Variants in HOXC4 observed in about 807,000 individuals in gnomAD.
The protein encoded by HOXC4 is homeobox C4, also known as homeobox protein Hox-C4.
Under a neutral mutation model 25.5 loss-of-function variants are expected in HOXC4, and 15 were observed. That is an observed-to-expected ratio of 0.59 (90% CI 0.39 to 0.91). HOXC4 has a LOEUF of 0.91. Ranked by LOEUF, HOXC4 falls within the 40% of genes least tolerant of loss-of-function variation. The probability of loss-of-function intolerance (pLI) is 0.00; values close to 1 mark genes in which losing one functional copy is unlikely to be tolerated. For missense variants in HOXC4, 342 were observed against 352.4 expected (o/e 0.97, Z 0.24); for synonymous variants, 165 against 148.0 (o/e 1.11, Z -0.83).
At chr12:54,045,842 G>C (rs530538159) in intron 1 of HOXC4, among the ~76,000 whole-genome samples, 1 of 152,300 alleles carries the variant, frequency 6.6e-6, no homozygotes, top group African/African-American at 2.4e-5. Flanking sequence ...GTCCCACTAA[G>C]TTATCTGTCC....
In HOXC4 at chr12:54,054,375, C is replaced by A. The variant is rs377348421; in HGVS notation, c.439+14C>A. ...ACGTTAGCACGGGTAGGCAACTTTG[C>A]TTTTTGCTCCCCCCCTCCCTCCCTT... On this transcript the variant is annotated intron_variant, in intron 1 of 1. Coordinates refer to ENST00000430889, the MANE Select transcript of HOXC4 (RefSeq NM_153633.3). 9.3e-6 allele frequency: 14 copies of A among 1,512,680 alleles called. No individual in the cohort carries two copies. In the African/African-American group the frequency reaches 1.4e-4, roughly 15 times the overall value. The allele number at this position is 1,512,680 out of a possible 1,614,324, so 93.7% of individuals were successfully genotyped here. A position where few individuals can be genotyped will look rare whatever the true frequency, so the allele number is the denominator to read the frequency against.
chr12:54,026,534 T>C (rs921741543), intron 1 of HOXC4, among the ~76,000 whole-genome samples: 4 of 152,218 alleles, frequency 2.6e-5, no homozygotes, highest in African/African-American at 9.6e-5. Flanking sequence ...GAAAGTGTGA[T>C]CTAGAAGGAG....
At chr12:54,034,150 G>T in intron 1 of HOXC4, 2 of 910,704 alleles carry the variant, frequency 2.2e-6, no homozygotes, top group Non-Finnish European at 3.6e-6. Context: ...TGCGGCCCGC[G>T]TGGCCTGTCT....
chr12:54,019,207 C>T (rs887532945), intron 1 of HOXC4, among the ~76,000 whole-genome samples: 2 of 111,508 alleles, frequency 1.8e-5, no homozygotes, highest in Admixed American at 1.4e-4. Context: ...ACTTGTGTGT[C>T]GGCAGAGGCG....
intron 1 of HOXC4, among the ~76,000 whole-genome samples, chr12:54,038,501 G>A (rs113505726): frequency 0.029 from 4,430 of 152,240 alleles, 97 homozygotes; most frequent in Non-Finnish European, 0.042. Flanking sequence ...TGGCTTCTAC[G>A]CCCACAGGCT....
At chr12:54,042,843 C>T (rs1372941473) in intron 1 of HOXC4, among the ~76,000 whole-genome samples, 1 of 152,214 alleles carries the variant, frequency 6.6e-6, no homozygotes, top group African/African-American at 2.4e-5. Flanking sequence ...TTGTGACCCA[C>T]ATTGGTGTGT....
upstream of HOXC4, among the ~76,000 whole-genome samples, chr12:54,051,108 G>A (rs1430837252): frequency 6.6e-6 from 1 of 152,108 alleles, no homozygotes; most frequent in Admixed American, 6.5e-5. Flanking sequence ...GAAGAAAAGA[G>A]GGTTAGCGTC....
At chr12:54,052,578 G>C (rs562275110), upstream of HOXC4, among the ~76,000 whole-genome samples, 45 of 150,890 alleles carry the variant, frequency 3.0e-4, no homozygotes, top group East Asian at 7.4e-3. Context: ...CTGGGGGGGG[G>C]GGGTGGTGGT....
intron 1 of HOXC4, chr12:54,028,504 C>T (rs765601651): frequency 1.4e-5 from 22 of 1,609,024 alleles, no homozygotes; most frequent in South Asian, 5.5e-5. Context: ...CATAGACCGA[C>T]CAGGTAAAGG....
chr12:54,051,122 G>A (rs1328343733), upstream of HOXC4, among the ~76,000 whole-genome samples: 1 of 152,084 alleles, frequency 6.6e-6, no homozygotes. Flanking sequence ...TAGCGTCAGG[G>A]CACGGATGGT....
rs754429960 is a variant in HOXC4 at position 54,054,339 on chromosome 12, G to GA, written c.424dup (p.Ile142AsnfsTer4). The GA allele has an allele frequency of 3.2e-6, 5 of 1,566,876 alleles. No individual in the cohort carries two copies. The highest frequency in any genetic ancestry group is 2.3e-5 in the South Asian group (2 of 85,142). Reference sequence around the variant, plus strand: ...AGCAACCCATAGTCTACCCATGGATGAAAAAAATTCACGTTAGCACGGGTA... The same window carrying GA: ...AGCAACCCATAGTCTACCCATGGATGAAAAAAAATTCACGTTAGCACGGGTA... On this transcript the variant is annotated frameshift_variant, in exon 1 of 2. Coordinates refer to ENST00000430889, the MANE Select transcript of HOXC4 (RefSeq NM_153633.3). LOFTEE classifies it high-confidence loss of function.
chr12:54,048,249 C>A (rs998964260), intron 1 of HOXC4, among the ~76,000 whole-genome samples: 3 of 152,044 alleles, frequency 2.0e-5, no homozygotes, highest in African/African-American at 7.2e-5. Context: ...TGAGGTTAAT[C>A]ATGGTAATGA....
intron 1 of HOXC4, chr12:54,029,971 G>T (rs1337829032): frequency 2.6e-6 from 4 of 1,532,670 alleles, no homozygotes; most frequent in Non-Finnish European, 3.5e-6. Flanking sequence ...GACCAGGACT[G>T]TCCCTGCCAC....
At chr12:54,045,435 A>G (rs534615191) in intron 1 of HOXC4, among the ~76,000 whole-genome samples, 212 of 152,232 alleles carry the variant, frequency 1.4e-3, no homozygotes, top group African/African-American at 4.9e-3. Context: ...ATATTTGGAA[A>G]TTTTTTTCTT....
At chr12:54,048,000 A>C (rs934763647) in intron 1 of HOXC4, 3 of 152,140 alleles carry the variant, frequency 2.0e-5, no homozygotes, top group African/African-American at 7.2e-5. Context: ...AGTTTCAGGC[A>C]CTAAGAAATC....
At chr12:54,020,642 T>A (rs1329044143) in intron 1 of HOXC4, 1 of 152,186 alleles carries the variant, frequency 6.6e-6, no homozygotes, top group Admixed American at 6.5e-5. Context: ...ATGCCTATAT[T>A]CGCTCAAACA....
upstream of HOXC4, among the ~76,000 whole-genome samples, chr12:54,053,622 T>G (rs1441865494): frequency 6.6e-6 from 1 of 152,148 alleles, no homozygotes; most frequent in Non-Finnish European, 1.5e-5. Flanking sequence ...CATCTCCTTT[T>G]GCAGGGGAGG....
intron 1 of HOXC4, among the ~76,000 whole-genome samples, chr12:54,024,865 T>A (rs982497846): frequency 1.3e-5 from 2 of 152,228 alleles, no homozygotes; most frequent in African/African-American, 4.8e-5. Context: ...TAAATTTCTC[T>A]CCTATAATTA....
intron 1 of HOXC4, among the ~76,000 whole-genome samples, chr12:54,027,367 G>A (rs531882590): frequency 1.2e-4 from 18 of 152,284 alleles, no homozygotes; most frequent in African/African-American, 4.1e-4. Context: ...GGGGGCAGGG[G>A]GGCTTCTGAC....
Sources: gnomAD v4.1 joint callset for allele counts (sites outside exome capture counted in the v4.1 genomes callset) on GRCh38, gnomAD v4.1.1 for gene constraint, MANE v1.5 for transcripts, NCBI Gene and HGNC (gene_info 2026-07-23, HGNC 2026-07-21) for gene names.